The following GNAS variants were observed in gnomAD, a reference collection of about 807,000 sequenced individuals.
The protein encoded by GNAS is GNAS complex locus.
A neutral mutation model predicts 54.5 loss-of-function variants in GNAS; 8 were observed. The observed-to-expected ratio is 0.15, with a 90% CI of 0.09 to 0.26. The LOEUF (loss-of-function observed/expected upper bound fraction) is 0.26. GNAS is among the 10% of genes least tolerant of loss of function. The pLI is 1.00. For missense variants in GNAS, 170 were observed against 529.8 expected, an observed-to-expected ratio of 0.32 and a Z score of 6.67; for synonymous variants, 204 against 191.4, an observed-to-expected ratio of 1.07 and a Z score of -0.54.
At chr20:58,864,928 GACACACACACAC>G (rs144642876) in intron 1 of GNAS, among the ~76,000 whole-genome samples, 8 of 138,842 alleles carry the variant, frequency 5.8e-5, no homozygotes, top group East Asian at 2.1e-4. Context: ...CTACCTACCA[GACACACACACAC>G]ACACACACAC....
At chr20:58,892,959 TGAGAG>T in intron 1 of GNAS, among the ~76,000 whole-genome samples, 1 of 146,746 alleles carries the variant, frequency 6.8e-6, no homozygotes, top group Non-Finnish European at 1.5e-5. Context: ...CTGGCCACAT[TGAGAG>T]TGCTTTGTGA....
chr20:58,842,249 TA>T, intron 1 of GNAS: 1 of 398,380 alleles, frequency 2.5e-6, no homozygotes, highest in Non-Finnish European at 4.4e-6. Flanking sequence ...GAAATGTCTT[TA>T]AAAAATCTCA....
At chr20:58,881,771 T>C (rs945805869) in intron 1 of GNAS, 5 of 152,212 alleles carry the variant, frequency 3.3e-5, no homozygotes, top group African/African-American at 4.8e-5. Context: ...CCAGAGTTTT[T>C]ATTTCTTGGT....
intron 1 of GNAS, chr20:58,892,416 G>T (rs1232629543): frequency 6.7e-6 from 1 of 148,856 alleles, no homozygotes; most frequent in Non-Finnish European, 1.5e-5. Flanking sequence ...GTGGCGGAGG[G>T]GGCCTCGCCA....
chr20:58,897,027 A>G (rs1367213739), intron 2 of GNAS, among the ~76,000 whole-genome samples: 1 of 152,226 alleles, frequency 6.6e-6, no homozygotes, highest in Non-Finnish European at 1.5e-5. Flanking sequence ...AATTGTTTAG[A>G]GAAGGATGAC....
At chr20:58,880,371 T>C (rs1284741012) in intron 1 of GNAS, among the ~76,000 whole-genome samples, 2 of 152,214 alleles carry the variant, frequency 1.3e-5, no homozygotes, top group African/African-American at 4.8e-5. Flanking sequence ...GCCTTGATCC[T>C]TTATTTTTCA....
At chr20:58,840,558 A>G, upstream of GNAS, 1 of 1,613,062 alleles carries the variant, frequency 6.2e-7, no homozygotes, top group Non-Finnish European at 8.5e-7. This position sits in a 1 kb window ranked among gnomAD's most constrained non-coding sequence, Gnocchi z 6.0. Flanking sequence ...GTGGTGCCCA[A>G]GCACTCCACC....
intron 1 of GNAS, among the ~76,000 whole-genome samples, chr20:58,877,341 C>A (rs543150097): frequency 6.6e-6 from 1 of 152,182 alleles, no homozygotes; most frequent in East Asian, 1.9e-4. Flanking sequence ...GGGCCCAGGA[C>A]TAGTCAGCCA....
chr20:58,854,206 C>A (rs756988256), intron 1 of GNAS: 82 of 1,613,018 alleles, frequency 5.1e-5, no homozygotes, highest in Non-Finnish European at 6.7e-5. Context: ...ATTGGCAGCG[C>A]CCCCGCTGGG....
chr20:58,888,254 A>T (rs1029470688), upstream of GNAS, among the ~76,000 whole-genome samples: 2 of 152,160 alleles, frequency 1.3e-5, no homozygotes, highest in African/African-American at 4.8e-5. Context: ...CTCACGTCTT[A>T]GCCTGATTAC....
At chr20:58,895,415 C>G in intron 1 of GNAS, 197 bp from the exon 2 acceptor site, 1 of 606,358 alleles carries the variant, frequency 1.6e-6, no homozygotes, top group South Asian at 1.9e-5. Context: ...TGGTGAAATA[C>G]TGCAGGTAGA....
intron 3 of GNAS, among the ~76,000 whole-genome samples, chr20:58,901,050 C>A (rs56352200): frequency 1.2e-4 from 18 of 152,172 alleles, no homozygotes; most frequent in Non-Finnish European, 2.5e-4. Context: ...GAAATACTTT[C>A]TCTTGCTGTA....
chr20:58,909,271 C>T lies in GNAS; in HGVS notation c.585+55C>T, dbSNP rs3730172. The stretch of plus-strand genomic sequence containing the variant: ...TCTGAGCCCTCTTTCCAAACTACTC[C>T]AGACCTTTGCTTTAGATTGGCAATT... On this transcript the variant is annotated intron_variant, in intron 7 of 12. Coordinates refer to ENST00000371085, the MANE Select transcript of GNAS (RefSeq NM_000516.7). The surrounding 1 kb of genome is among the most constrained non-coding windows in gnomAD (Gnocchi z 7.3). The T allele has an allele frequency of 2.5e-6, 4 of 1,585,602 alleles. No homozygotes were observed. Among genetic ancestry groups the T allele is most frequent in the Non-Finnish European group, 3.5e-6 (4 of 1,154,194 alleles).
intron 1 of GNAS, among the ~76,000 whole-genome samples, chr20:58,871,627 A>C (rs1273997978): frequency 1.4e-5 from 2 of 147,670 alleles, no homozygotes; most frequent in East Asian, 1.9e-4. Context: ...AAAAAAAAAA[A>C]AACAAACAAC....
chr20:58,861,224 A>G (rs1463236271), intron 1 of GNAS, among the ~76,000 whole-genome samples: 1 of 152,210 alleles, frequency 6.6e-6, no homozygotes, highest in South Asian at 2.1e-4. Flanking sequence ...GTTCCTCTCA[A>G]ACCCACTCAC....
At chr20:58,905,511 A>AT (rs766746792) in intron 6 of GNAS, 31 bp downstream of exon 6, 11 of 1,115,870 alleles carry the variant, frequency 9.9e-6, no homozygotes, top group Admixed American at 8.4e-5. Flanking sequence ...CCATCAGCAC[A>AT]TAAAACAGAC....
rs548840457 is a variant in GNAS at position 58,854,705 on chromosome 20, T to G, written c.43+13819T>G. ...AGGCTCCCGCCGCCCCTGCGGCTGC[T>G]GAGACCCGGGCAGCCCATGTCGCCC... On this transcript the variant is annotated intron_variant, in intron 1 of 12. Transcript: ENST00000306090. 2.0e-6 allele frequency: 3 copies of G among 1,531,398 alleles called. No homozygotes were observed. The South Asian group carries it at 3.6e-5, about 18-fold the overall frequency. The allele number at this position is 1,531,398 out of a possible 1,614,324, so 94.9% of individuals were successfully genotyped here.
intron 1 of GNAS, among the ~76,000 whole-genome samples, chr20:58,848,630 A>G (rs1449423685): frequency 6.6e-6 from 1 of 152,206 alleles, no homozygotes; most frequent in Non-Finnish European, 1.5e-5. Flanking sequence ...GATCAAGGCC[A>G]TGTTTCTGTC....
rs1221681102 is a variant in GNAS, at chr20:58,841,678, G to C, written c.43+792G>C. 5.1e-6 allele frequency: 6 copies of C among 1,178,990 alleles called. No individual in the cohort carries two copies. Among genetic ancestry groups the C allele is most frequent in the Non-Finnish European group, 6.3e-6 (6 of 954,264 alleles). The allele number at this position is 1,178,990 out of a possible 1,614,324, so 73.0% of individuals were successfully genotyped here. ...TTAGGGGAAAGTACCTGGGGGAAAG[G>C]TAGAGGAGGTAAGGGGACCCTTGGG... On this transcript the variant is annotated intron_variant, in intron 1 of 12. Coordinates refer to the GNAS transcript ENST00000306090. This position sits in a 1 kb window ranked among gnomAD's most constrained non-coding sequence, Gnocchi z 5.0.
Sources: allele counts gnomAD v4.1 joint callset (sites outside exome capture counted in the v4.1 genomes callset), GRCh38; gene constraint gnomAD v4.1.1; non-coding constraint Gnocchi (gnomAD v3.1); transcripts MANE v1.5; gene names NCBI Gene and HGNC (gene_info 2026-07-23, HGNC 2026-07-21).